ROBO2: variants seen among roughly 807,000 people sequenced by gnomAD.
ROBO2 encodes the protein roundabout homolog 2.
A neutral mutation model predicts 160.8 loss-of-function variants in ROBO2; 53 were observed. The observed-to-expected ratio is 0.33, with a 90% confidence interval of 0.26 to 0.41. The LOEUF is 0.41. Among genes scored for constraint, ROBO2 ranks in the 10% least tolerant of loss-of-function variants. The pLI is 1.00. For synonymous variants in ROBO2, 664 were observed against 611.7 expected (o/e 1.09, Z -1.26); for missense variants, 1,577 against 1,722.4 (o/e 0.92, Z 1.49).
rs1410172765 is a variant in ROBO2, at chr3:76,336,991, CCACAATCTCTA to C, written c.109+399390_109+399400del. 7.2e-5 allele frequency among the ~76,000 whole-genome samples: 11 copies of C among 151,730 alleles called. No individual in the cohort carries two copies. The East Asian group carries it at 1.7e-3, about 24-fold the overall frequency. ...ATGTTATTGGGTATTTAAAAAAAACCCACAATCTCTATTTTCTGGGGCTTTGTAGAGAAAAA... is the reference window on the plus strand; with the variant it reads ...ATGTTATTGGGTATTTAAAAAAAACCTTTTCTGGGGCTTTGTAGAGAAAAA... On this transcript the variant is annotated intron_variant, in intron 2 of 26. Coordinates refer to the ROBO2 transcript ENST00000487694.
At chr3:76,905,208 A>G (rs1472102363) in intron 2 of ROBO2, among the ~76,000 whole-genome samples, 2 of 152,148 alleles carry the variant, frequency 1.3e-5, no homozygotes, top group African/African-American at 4.8e-5. Flanking sequence ...TGACTGAGGA[A>G]GAGTCACAGT....
intron 5 of ROBO2, among the ~76,000 whole-genome samples, chr3:77,513,192 A>AT (rs1283472643): frequency 6.6e-6 from 1 of 151,742 alleles, no homozygotes; most frequent in African/African-American, 2.4e-5. Context: ...ATATTTCTTA[A>AT]TTTTTTCCTC....
chr3:77,255,128 C>T (rs1467911145), intron 2 of ROBO2, among the ~76,000 whole-genome samples: 1 of 152,060 alleles, frequency 6.6e-6, no homozygotes, highest in Admixed American at 6.6e-5. Flanking sequence ...GGTAAAGGGA[C>T]AGAGAAATGT....
chr3:77,200,170 C>T (rs2082699739), intron 2 of ROBO2, among the ~76,000 whole-genome samples: 1 of 148,678 alleles, frequency 6.7e-6, no homozygotes, highest in African/African-American at 2.5e-5. Flanking sequence ...TTATGAATGA[C>T]TTTCCTTCTA....
At chr3:76,672,899 T>C (rs115761100) in intron 2 of ROBO2, among the ~76,000 whole-genome samples, 254 of 152,306 alleles carry the variant, frequency 1.7e-3, no homozygotes, top group African/African-American at 5.8e-3. Flanking sequence ...TTTTCTAATG[T>C]GTTATATTTT....
intron 2 of ROBO2, among the ~76,000 whole-genome samples, chr3:76,403,472 C>G (rs2077962701): frequency 6.6e-6 from 1 of 151,560 alleles, no homozygotes; most frequent in African/African-American, 2.4e-5. Context: ...AGAACAATTT[C>G]TGGTCCTGGG....
At chr3:77,254,665 G>A (rs924044655) in intron 2 of ROBO2, among the ~76,000 whole-genome samples, 4 of 152,104 alleles carry the variant, frequency 2.6e-5, no homozygotes, top group African/African-American at 9.7e-5. Flanking sequence ...TCTTTAGTTT[G>A]TTGTCAAACA....
At position 76,961,058 on chromosome 3, in the gene ROBO2, A is replaced by G. The variant is rs555614885; in HGVS notation, c.110-136956A>G. On this transcript the variant is annotated intron_variant, in intron 2 of 26. Coordinates refer to the ROBO2 transcript ENST00000487694. ...CAGTTAATAAATGTGGGAACACTCAATAAGATTTCAATTTGGACCAAAGTT... is the reference window on the plus strand; with the variant it reads ...CAGTTAATAAATGTGGGAACACTCAGTAAGATTTCAATTTGGACCAAAGTT... Among the ~76,000 whole-genome samples the G allele has an allele frequency of 1.1e-4, 16 of 152,206 alleles. No homozygotes were observed. In the South Asian group the frequency reaches 3.3e-3, roughly 32 times the overall value.
At chr3:76,389,743 C>A (rs6765671) in intron 2 of ROBO2, among the ~76,000 whole-genome samples, 24,843 of 152,132 alleles carry the variant, frequency 0.16, 2,179 homozygotes, top group African/African-American at 0.22. Context: ...AGTAACTTGG[C>A]AATTCATCTT....
chr3:77,093,543 C>T (rs2070624431), intron 1 of ROBO2, among the ~76,000 whole-genome samples: 1 of 152,106 alleles, frequency 6.6e-6, no homozygotes, highest in African/African-American at 2.4e-5. Flanking sequence ...CACACCACCA[C>T]TACTGCCTCC....
chr3:77,249,629 T>TA (rs2090124742), intron 2 of ROBO2, among the ~76,000 whole-genome samples: 1 of 78,692 alleles, frequency 1.3e-5, no homozygotes, highest in Admixed American at 1.4e-4. Flanking sequence ...ACAACTTTTT[T>TA]TTTATTTAAA....
chr3:76,461,277 A>G (rs1172950622), intron 2 of ROBO2, among the ~76,000 whole-genome samples: 1 of 152,168 alleles, frequency 6.6e-6, no homozygotes, highest in South Asian at 2.1e-4. Context: ...TCTCACTATC[A>G]TGAAGACAGC....
At chr3:76,879,746 C>T (rs914094280) in intron 2 of ROBO2, among the ~76,000 whole-genome samples, 1 of 152,020 alleles carries the variant, frequency 6.6e-6, no homozygotes, top group Non-Finnish European at 1.5e-5. Flanking sequence ...GTACTGTCTA[C>T]AATGTTTATT....
chr3:76,902,129 A>G (rs1182968729), intron 2 of ROBO2, among the ~76,000 whole-genome samples: 1 of 152,046 alleles, frequency 6.6e-6, no homozygotes, highest in Non-Finnish European at 1.5e-5. Flanking sequence ...ATTCTTATTT[A>G]AAAGCTACAC....
intron 2 of ROBO2, among the ~76,000 whole-genome samples, chr3:76,072,753 A>G (rs1483179450): frequency 1.3e-5 from 2 of 152,194 alleles, no homozygotes. Flanking sequence ...TTAATGAAAC[A>G]TAAGAGATGA....
intron 2 of ROBO2, among the ~76,000 whole-genome samples, chr3:77,235,309 C>T (rs142638269): frequency 0.014 from 2,129 of 151,954 alleles, 51 homozygotes; most frequent in African/African-American, 0.049. Flanking sequence ...TGCAAGATTT[C>T]ATCCAGCTCT....
At chr3:76,966,438 A>G (rs1423701150) in intron 2 of ROBO2, among the ~76,000 whole-genome samples, 1 of 152,192 alleles carries the variant, frequency 6.6e-6, no homozygotes, top group African/African-American at 2.4e-5. Context: ...AAGCCAGTAA[A>G]TGGCAGAGCC....
intron 2 of ROBO2, among the ~76,000 whole-genome samples, chr3:76,836,546 A>G (rs28623485): frequency 9.6e-4 from 144 of 150,380 alleles, no homozygotes; most frequent in African/African-American, 3.4e-3. Flanking sequence ...TCTATATTCT[A>G]TTTTCACTTT....
intron 2 of ROBO2, among the ~76,000 whole-genome samples, chr3:77,013,449 C>A (rs1293937794): frequency 6.6e-6 from 1 of 151,860 alleles, no homozygotes; most frequent in Non-Finnish European, 1.5e-5. Flanking sequence ...TATTTTAAAA[C>A]TCATATATTA....
Sources: allele counts gnomAD v4.1 joint callset (sites outside exome capture counted in the v4.1 genomes callset), GRCh38; gene constraint gnomAD v4.1.1; transcripts MANE v1.5; gene names NCBI Gene and HGNC (gene_info 2026-07-23, HGNC 2026-07-21).